LPP: variants seen among roughly 807,000 people sequenced by gnomAD.
The protein encoded by LPP is lipoma-preferred partner.
Under a neutral mutation model 60.4 loss-of-function variants are expected in LPP, and 38 were observed. The ratio of observed to expected loss-of-function variants is 0.63; its 90% CI spans 0.49 to 0.83. The LOEUF (loss-of-function observed/expected upper bound fraction) is 0.83. Among genes scored for constraint, LPP ranks in the 40% least tolerant of loss-of-function variants. The pLI is 0.00. For synonymous variants in LPP, 328 were observed against 290.8 expected, an observed-to-expected ratio of 1.13 and a Z score of -1.30; for missense variants, 902 against 783.6, an observed-to-expected ratio of 1.15 and a Z score of -1.80.
intron 4 of LPP, among the ~76,000 whole-genome samples, chr3:188,434,415 G>T (rs1791796438): frequency 6.6e-6 from 1 of 151,966 alleles, no homozygotes; most frequent in Non-Finnish European, 1.5e-5. Flanking sequence ...TTGATTGTAT[G>T]ACCCTAATGA....
rs143640717 is a variant in LPP at position 188,176,632 on chromosome 3, C to T, written c.-190+22380C>T. 9.7e-3 allele frequency among the ~76,000 whole-genome samples: 1,481 copies of T among 152,210 alleles called. 10 individuals are homozygous for T. The highest frequency in any genetic ancestry group is 0.014 in the Non-Finnish European group (974 of 68,010). Reference sequence around the variant, plus strand: ...AAATCAGTTAACCCACATTTATTGACCAGTGCTGTGTGTTCACAACTGTAT... The same window carrying T: ...AAATCAGTTAACCCACATTTATTGATCAGTGCTGTGTGTTCACAACTGTAT... On this transcript the variant is annotated intron_variant, in intron 1 of 11. Transcript: ENST00000617246.
At chr3:188,531,293 T>C (rs1036190256) in intron 6 of LPP, among the ~76,000 whole-genome samples, 1 of 152,220 alleles carries the variant, frequency 6.6e-6, no homozygotes, top group Non-Finnish European at 1.5e-5. Context: ...TAAATCCTTA[T>C]AATTTCCTAG....
intron 9 of LPP, among the ~76,000 whole-genome samples, chr3:188,807,177 A>G (rs1447077276): frequency 2.0e-5 from 3 of 151,838 alleles, no homozygotes; most frequent in Admixed American, 6.6e-5. Context: ...TCTCACTTGC[A>G]TAGTTTCTGA....
At chr3:188,233,712 C>T (rs891872181) in intron 2 of LPP, among the ~76,000 whole-genome samples, 1 of 152,110 alleles carries the variant, frequency 6.6e-6, no homozygotes, top group South Asian at 2.1e-4. Context: ...GAGATATATT[C>T]TTTACTTTTC....
chr3:188,212,114 C>T (rs981687239), intron 1 of LPP, among the ~76,000 whole-genome samples: 16 of 152,148 alleles, frequency 1.1e-4, no homozygotes, highest in Non-Finnish European at 2.1e-4. Context: ...CCGCCTTGGT[C>T]TCCCAAAGTG....
intron 6 of LPP, among the ~76,000 whole-genome samples, chr3:188,541,712 C>T (rs1384416759): frequency 6.6e-6 from 1 of 152,080 alleles, no homozygotes; most frequent in African/African-American, 2.4e-5. Flanking sequence ...GACTGGCCAA[C>T]ATGTTGAAAT....
rs1300163287 is a variant in LPP at position 188,889,712 on chromosome 3, G to A, written c.*15233G>A. The A allele has an allele frequency of 4.5e-6, 1 of 221,022 alleles. No individual in the cohort carries two copies. Among genetic ancestry groups the A allele is most frequent in the Non-Finnish European group, 9.1e-6 (1 of 110,422 alleles). 13.7% of individuals were successfully genotyped at this position (221,022 alleles called of 1,614,324 possible). On this transcript the variant is annotated 3_prime_UTR_variant, in exon 12 of 12. Coordinates refer to ENST00000617246, the MANE Select transcript of LPP (RefSeq NM_001375462.1). ...AGGAGCCCCATTACATAAGCTACGG[G>A]TGAGGTTGGAACAGCTATGTTTCAT...
At chr3:188,691,778 C>G (rs1043381255) in intron 7 of LPP, among the ~76,000 whole-genome samples, 1 of 152,220 alleles carries the variant, frequency 6.6e-6, no homozygotes, top group African/African-American at 2.4e-5. Context: ...GAAAAGGACA[C>G]TGTTGACTCC....
At chr3:188,258,775 G>A (rs886771716) in intron 2 of LPP, among the ~76,000 whole-genome samples, 1 of 152,176 alleles carries the variant, frequency 6.6e-6, no homozygotes, top group Non-Finnish European at 1.5e-5. Context: ...TCATTATTTT[G>A]TTGGTACAGT....
intron 4 of LPP, among the ~76,000 whole-genome samples, chr3:188,440,556 C>T (rs1170948195): frequency 6.6e-6 from 1 of 152,150 alleles, no homozygotes; most frequent in Non-Finnish European, 1.5e-5. Context: ...CGGTTATTTA[C>T]ATCTGACATT....
intron 7 of LPP, among the ~76,000 whole-genome samples, chr3:188,674,133 G>T (rs1308683355): frequency 6.6e-6 from 1 of 152,016 alleles, no homozygotes; most frequent in South Asian, 2.1e-4. Flanking sequence ...TGCCTATTGA[G>T]TGGCCACATT....
chr3:188,408,009 A>G (rs1391533215), intron 4 of LPP, among the ~76,000 whole-genome samples: 1 of 151,944 alleles, frequency 6.6e-6, no homozygotes, highest in African/African-American at 2.4e-5. Flanking sequence ...GCTGGTCTTG[A>G]ACTCCTGACC....
intron 3 of LPP, among the ~76,000 whole-genome samples, chr3:188,355,118 C>A (rs1767185120): frequency 6.6e-6 from 1 of 152,136 alleles, no homozygotes; most frequent in African/African-American, 2.4e-5. Flanking sequence ...AAGCGATTCT[C>A]CTGCCTCAGC....
chr3:188,156,566 G>C (rs949683203), intron 1 of LPP, among the ~76,000 whole-genome samples: 1 of 152,170 alleles, frequency 6.6e-6, no homozygotes, highest in Admixed American at 6.5e-5. Flanking sequence ...TGGCACGATG[G>C]CTCAAGCCTG....
At chr3:188,778,745 A>T (rs572858238) in intron 9 of LPP, among the ~76,000 whole-genome samples, 1 of 152,286 alleles carries the variant, frequency 6.6e-6, no homozygotes, top group East Asian at 1.9e-4. Flanking sequence ...ACACACTCAC[A>T]CCAAAGCCAG....
At chr3:188,438,557 C>T (rs538133202) in intron 4 of LPP, among the ~76,000 whole-genome samples, 29 of 152,224 alleles carry the variant, frequency 1.9e-4, no homozygotes, top group Admixed American at 1.6e-3. Context: ...CTTACTTACA[C>T]GTGTAGTAAC....
At chr3:188,465,524 C>G (rs1401869531) in intron 4 of LPP, among the ~76,000 whole-genome samples, 1 of 152,152 alleles carries the variant, frequency 6.6e-6, no homozygotes, top group East Asian at 1.9e-4. Flanking sequence ...GCCTTCATTC[C>G]AAAGAATGTG....
chr3:188,599,906 A>T (rs1422507664), intron 6 of LPP, among the ~76,000 whole-genome samples: 2 of 151,922 alleles, frequency 1.3e-5, no homozygotes, highest in Non-Finnish European at 1.5e-5. Context: ...TTCGTGCATA[A>T]TATTTGAGAT....
intron 7 of LPP, among the ~76,000 whole-genome samples, chr3:188,657,870 T>TA (rs1161153843): frequency 6.6e-6 from 1 of 152,214 alleles, no homozygotes; most frequent in Non-Finnish European, 1.5e-5. Context: ...ATAGTACTCT[T>TA]ACAGCGTTGG....
Sources: gnomAD v4.1 joint callset for allele counts (sites outside exome capture counted in the v4.1 genomes callset) on GRCh38, gnomAD v4.1.1 for gene constraint, MANE v1.5 for transcripts, NCBI Gene and HGNC (gene_info 2026-07-23, HGNC 2026-07-21) for gene names.